Variants in PTPRD observed in about 807,000 individuals in gnomAD.
The protein encoded by PTPRD is receptor-type tyrosine-protein phosphatase delta.
PTPRD carries 34 observed loss-of-function variants against 214.5 expected under a neutral mutation model. The observed-to-expected ratio is 0.16, with a 90% confidence interval of 0.12 to 0.21. The LOEUF (loss-of-function observed/expected upper bound fraction) is 0.21. Ranked by LOEUF, PTPRD falls within the 10% of genes least tolerant of loss-of-function variation. The pLI, the probability that PTPRD is intolerant of heterozygous loss-of-function variation, is 1.00. For missense variants in PTPRD, 2,545 were observed against 2,398.7 expected (o/e 1.06, Z -1.27); for synonymous variants, 1,128 against 845.7 (o/e 1.33, Z -5.79).
intron 14 of PTPRD, among the ~76,000 whole-genome samples, chr9:8,557,232 T>G (rs2084122470): frequency 6.6e-6 from 1 of 151,864 alleles, no homozygotes. Flanking sequence ...GATTACTCAG[T>G]GGTCTTGACA....
At chr9:8,974,864 A>G (rs967400822) in intron 11 of PTPRD, among the ~76,000 whole-genome samples, 2 of 152,048 alleles carry the variant, frequency 1.3e-5, no homozygotes, top group African/African-American at 4.8e-5. Flanking sequence ...TGGGAGGCTG[A>G]GGCGGGTGGA....
chr9:9,629,740 G>C (rs1346391399), intron 7 of PTPRD, among the ~76,000 whole-genome samples: 1 of 152,014 alleles, frequency 6.6e-6, no homozygotes, highest in Admixed American at 6.6e-5. Flanking sequence ...TTTGGGGAAA[G>C]GAATAGGCTC....
chr9:10,381,490 CTTTAAGCACAGAAT>C (rs1013460483), intron 2 of PTPRD, among the ~76,000 whole-genome samples: 46 of 151,982 alleles, frequency 3.0e-4, no homozygotes, highest in African/African-American at 1.1e-3. Context: ...TTTCAGAGAT[CTTTAAGCACAGAAT>C]TATGGTCCTC....
At chr9:9,119,465 A>G (rs2099815549) in intron 10 of PTPRD, among the ~76,000 whole-genome samples, 1 of 152,208 alleles carries the variant, frequency 6.6e-6, no homozygotes, top group Non-Finnish European at 1.5e-5. Context: ...GCACAGAATC[A>G]GAATCTCAGA....
chr9:8,878,819 T>C (rs1366166240), intron 11 of PTPRD, among the ~76,000 whole-genome samples: 1 of 152,312 alleles, frequency 6.6e-6, no homozygotes, highest in Non-Finnish European at 1.5e-5. Context: ...CAGCATAAGT[T>C]ATCACACCCA....
intron 8 of PTPRD, among the ~76,000 whole-genome samples, chr9:9,494,122 T>C (rs1299369266): frequency 6.6e-6 from 1 of 152,170 alleles, no homozygotes; most frequent in Non-Finnish European, 1.5e-5. Flanking sequence ...ACTGAACTGC[T>C]ACAACCTCAT....
intron 5 of PTPRD, among the ~76,000 whole-genome samples, chr9:9,838,204 T>C (rs961164651): frequency 3.6e-4 from 55 of 152,316 alleles, no homozygotes; most frequent in Middle Eastern, 3.4e-3. Flanking sequence ...GTCTTTGCTA[T>C]TGTGAATAGT....
At chr9:8,446,699 T>G (rs145025783) in intron 34 of PTPRD, among the ~76,000 whole-genome samples, 3,586 of 152,282 alleles carry the variant, frequency 0.024, 149 homozygotes, top group African/African-American at 0.082. Flanking sequence ...TCATAGTAGA[T>G]ATATTAAAAA....
intron 3 of PTPRD, among the ~76,000 whole-genome samples, chr9:10,278,941 A>ATT (rs527844103): frequency 6.6e-6 from 1 of 151,726 alleles, no homozygotes; most frequent in African/African-American, 2.4e-5. Flanking sequence ...CGCCAGGCTA[A>ATT]TTTTTTGTAT....
chr9:10,453,334 T>C (rs1053704911), intron 2 of PTPRD, among the ~76,000 whole-genome samples: 4 of 151,744 alleles, frequency 2.6e-5, no homozygotes, highest in Non-Finnish European at 4.4e-5. Context: ...TTAGAAGTTC[T>C]TTTAATTTAA....
At chr9:8,784,460 A>G (rs1289224092) in intron 11 of PTPRD, among the ~76,000 whole-genome samples, 2 of 152,350 alleles carry the variant, frequency 1.3e-5, no homozygotes, top group Non-Finnish European at 2.9e-5. Flanking sequence ...GGCTTATCAA[A>G]CTATTCCCAA....
chr9:10,319,744 C>A (rs1442847036), intron 3 of PTPRD, among the ~76,000 whole-genome samples: 1 of 151,784 alleles, frequency 6.6e-6, no homozygotes, highest in African/African-American at 2.4e-5. Flanking sequence ...TTAATAAAGA[C>A]TAATTTATAG....
At chr9:10,274,466 G>A (rs1342662335) in intron 3 of PTPRD, among the ~76,000 whole-genome samples, 1 of 152,098 alleles carries the variant, frequency 6.6e-6, no homozygotes, top group Non-Finnish European at 1.5e-5. Flanking sequence ...AATTCTTCGA[G>A]TTAAAAAAGG....
intron 9 of PTPRD, among the ~76,000 whole-genome samples, chr9:9,240,960 T>G (rs1054905511): frequency 6.6e-6 from 1 of 152,076 alleles, no homozygotes; most frequent in Admixed American, 6.6e-5. Flanking sequence ...ATTAGATTCA[T>G]AGAAAGGATA....
chr9:8,456,665 A>G (rs1406010744), intron 33 of PTPRD, among the ~76,000 whole-genome samples: 2 of 152,170 alleles, frequency 1.3e-5, no homozygotes, highest in Non-Finnish European at 2.9e-5. Flanking sequence ...GCTTGCAGAG[A>G]GCCAGTGTTG....
chr9:9,618,591 AACTGT>A (rs2095047436), intron 7 of PTPRD, among the ~76,000 whole-genome samples: 1 of 152,102 alleles, frequency 6.6e-6, no homozygotes, highest in South Asian at 2.1e-4. Context: ...AATCTTTGGA[AACTGT>A]ACTGTTAAAG....
At position 9,897,131 on chromosome 9, in the gene PTPRD, T is replaced by TACACACACACAC. The variant is rs60964311; in HGVS notation, c.-368+41364_-368+41375dup. Among the ~76,000 whole-genome samples the TACACACACACAC allele has an allele frequency of 1.9e-3, 289 of 148,984 alleles. 2 individuals are homozygous for TACACACACACAC. Among genetic ancestry groups the TACACACACACAC allele is most frequent in the African/African-American group, 6.1e-3 (245 of 40,410 alleles). ...TTAAAACAAAAACATCTCTTACACT[T>TACACACACACAC]ACACACACACACACACACACACACA... On this transcript the variant is annotated intron_variant, in intron 5 of 45. Coordinates refer to ENST00000381196, the MANE Select transcript of PTPRD (RefSeq NM_002839.4).
intron 6 of PTPRD, among the ~76,000 whole-genome samples, chr9:9,749,934 T>A (rs1279206038): frequency 1.3e-5 from 2 of 152,174 alleles, no homozygotes; most frequent in African/African-American, 4.8e-5. Flanking sequence ...ACTGCCTATA[T>A]AAAATAATAG....
intron 11 of PTPRD, among the ~76,000 whole-genome samples, chr9:8,764,800 A>G (rs2094606809): frequency 1.0e-5 from 1 of 100,238 alleles, no homozygotes; most frequent in Admixed American, 1.2e-4. Context: ...CAAAATAATA[A>G]TAATAATGAT....
Sources: allele counts gnomAD v4.1 joint callset (sites outside exome capture counted in the v4.1 genomes callset), GRCh38; gene constraint gnomAD v4.1.1; transcripts MANE v1.5; gene names NCBI Gene and HGNC (gene_info 2026-07-23, HGNC 2026-07-21).